Variants in TBC1D22A observed in about 807,000 individuals in gnomAD.
TBC1D22A encodes TBC1 domain family member 22A, also known as putative GTPase activator.
Under a neutral mutation model 60.2 loss-of-function variants are expected in TBC1D22A, and 38 were observed. The ratio of observed to expected loss-of-function variants is 0.63; its 90% CI spans 0.49 to 0.83. TBC1D22A has a LOEUF of 0.83. Among genes scored for constraint, TBC1D22A ranks in the 40% least tolerant of loss-of-function variants. TBC1D22A has a pLI of 0.00. For missense variants in TBC1D22A, 628 were observed against 701.0 expected (o/e 0.90, Z 1.18); for synonymous variants, 302 against 281.7 (o/e 1.07, Z -0.72).
chr22:46,885,670 G>A (rs59800507), intron 5 of TBC1D22A, among the ~76,000 whole-genome samples: 2,379 of 152,246 alleles, frequency 0.016, 67 homozygotes, highest in African/African-American at 0.054. Flanking sequence ...TTTCACTCAG[G>A]TCTGGCTGTC....
chr22:47,074,078 A>C (rs2064111649), intron 11 of TBC1D22A, among the ~76,000 whole-genome samples: 2 of 152,222 alleles, frequency 1.3e-5, no homozygotes, highest in African/African-American at 4.8e-5. Flanking sequence ...ACTGTACTCT[A>C]GCCTGGGTGA....
At chr22:46,915,482 G>T (rs184730604) in intron 8 of TBC1D22A, 1 of 456,696 alleles carries the variant, frequency 2.2e-6, no homozygotes, top group Non-Finnish European at 4.4e-6. Flanking sequence ...TCATGTGACC[G>T]CTCATACACC....
intron 11 of TBC1D22A, among the ~76,000 whole-genome samples, chr22:47,108,065 G>A (rs2065701284): frequency 6.6e-6 from 1 of 152,178 alleles, no homozygotes; most frequent in South Asian, 2.1e-4. Context: ...ACTATTAAGA[G>A]GACGAAAAGA....
chr22:46,898,799 C>G (rs574536654), intron 7 of TBC1D22A, among the ~76,000 whole-genome samples: 1 of 152,208 alleles, frequency 6.6e-6, no homozygotes, highest in African/African-American at 2.4e-5. Context: ...GTAGCTTCAT[C>G]GTGTAGCCAT....
chr22:46,764,341 C>G (rs2083212228), intron 1 of TBC1D22A: 1 of 152,190 alleles, frequency 6.6e-6, no homozygotes, highest in Non-Finnish European at 1.5e-5. Context: ...GTGACAGGAA[C>G]AAATGCTGTA....
At chr22:46,935,737 C>T (rs911083890) in intron 8 of TBC1D22A, among the ~76,000 whole-genome samples, 2 of 152,318 alleles carry the variant, frequency 1.3e-5, no homozygotes, top group East Asian at 1.9e-4. Context: ...CAAAGATGCC[C>T]GTGTCTCTGT....
chr22:46,884,438 A>G lies in TBC1D22A; in HGVS notation c.708+5715A>G, dbSNP rs542988101. Among the ~76,000 whole-genome samples, 6 of 152,284 alleles carry G rather than the reference A, an allele frequency of 3.9e-5. No homozygotes were observed. The East Asian group carries it at 1.2e-3, about 29-fold the overall frequency. ...TGCCCACCAGACACAGGTGATGAAG[A>G]GGGAGAACAGTAAGTAACAGGAAGC... On this transcript the variant is annotated intron_variant, in intron 5 of 12. Transcript: ENST00000337137.
At chr22:46,951,754 A>G (rs541321739) in intron 8 of TBC1D22A, among the ~76,000 whole-genome samples, 1 of 152,302 alleles carries the variant, frequency 6.6e-6, no homozygotes, top group South Asian at 2.1e-4. Flanking sequence ...TAACCAGTGG[A>G]ATTTGTGCTG....
intron 8 of TBC1D22A, among the ~76,000 whole-genome samples, chr22:46,972,288 G>T: frequency 6.6e-6 from 1 of 152,142 alleles, no homozygotes; most frequent in South Asian, 2.1e-4. Flanking sequence ...TCTTGAGGGC[G>T]TCAGGTCTCT....
chr22:47,049,046 G>T (rs2063118488), intron 11 of TBC1D22A, among the ~76,000 whole-genome samples: 1 of 152,238 alleles, frequency 6.6e-6, no homozygotes, highest in Non-Finnish European at 1.5e-5. Flanking sequence ...GTATTCTCCA[G>T]GTTTCCAGTC....
At chr22:47,020,562 T>G (rs1385732677) in intron 10 of TBC1D22A, among the ~76,000 whole-genome samples, 1 of 147,800 alleles carries the variant, frequency 6.8e-6, no homozygotes, top group Non-Finnish European at 1.5e-5. Flanking sequence ...GCTTTCTTGT[T>G]CCTCTCCTGA....
chr22:47,006,093 A>G (rs2061583357), intron 10 of TBC1D22A, among the ~76,000 whole-genome samples: 1 of 152,130 alleles, frequency 6.6e-6, no homozygotes, highest in South Asian at 2.1e-4. Flanking sequence ...GTTTAATCTC[A>G]TTGGCATGGT....
At position 46,797,451 on chromosome 22, in the gene TBC1D22A, C is replaced by A; in HGVS notation, c.468C>A (p.Ala156=). ...ESHTSCPAES[A]SDAAPLQRSQ... ...ATTCTCTCACCCCTGCAGAAAGTGC[C>A]AGCGATGCCGCCCCTCTGCAGAGGT... Residue 156 remains alanine (A), a synonymous_variant, in exon 4 of 13, where the codon GCC becomes GCA. Coordinates refer to ENST00000337137, the MANE Select transcript of TBC1D22A (RefSeq NM_014346.5). The A allele has an allele frequency of 6.2e-7, 1 of 1,612,738 alleles. No homozygotes were observed. Among genetic ancestry groups the A allele is most frequent in the Non-Finnish European group, 8.5e-7 (1 of 1,180,012 alleles).
chr22:47,170,323 G>T (rs896602378), intron 12 of TBC1D22A, among the ~76,000 whole-genome samples: 4 of 152,158 alleles, frequency 2.6e-5, no homozygotes, highest in Admixed American at 6.5e-5. Context: ...CACCTTGCAA[G>T]GAGCGAGGTC....
intron 9 of TBC1D22A, among the ~76,000 whole-genome samples, chr22:46,984,190 A>T (rs2074623128): frequency 6.6e-6 from 1 of 151,564 alleles, no homozygotes; most frequent in Non-Finnish European, 1.5e-5. Context: ...AACATGGTAA[A>T]ACCCTGTCTC....
intron 8 of TBC1D22A, chr22:46,915,161 G>A: frequency 5.8e-6 from 2 of 347,740 alleles, no homozygotes; most frequent in South Asian, 4.5e-5. Context: ...CAGCCACTGT[G>A]CTCAGGTTCT....
intron 11 of TBC1D22A, among the ~76,000 whole-genome samples, chr22:47,097,471 G>A (rs558342744): frequency 7.6e-4 from 116 of 152,136 alleles, no homozygotes; most frequent in Admixed American, 3.6e-3. Context: ...AAAATTAGCC[G>A]GGCGTGGTGG....
chr22:47,159,184 A>G (rs955926236), intron 12 of TBC1D22A, among the ~76,000 whole-genome samples: 2 of 150,460 alleles, frequency 1.3e-5, no homozygotes, highest in East Asian at 2.0e-4. Context: ...TACACACACA[A>G]CACACACCAC....
rs572139590 is a variant in TBC1D22A at position 47,009,633 on chromosome 22, A to G, written c.1201+11924A>G. On this transcript the variant is annotated intron_variant, in intron 10 of 12. Coordinates refer to ENST00000337137, the MANE Select transcript of TBC1D22A (RefSeq NM_014346.5). This position sits in a 1 kb window ranked among gnomAD's most constrained non-coding sequence, Gnocchi z 5.8. ...TCATCATTACTATCACCATCATTTCATCACCGTCATCATTACCATCATCAC... is the reference window on the plus strand; with the variant it reads ...TCATCATTACTATCACCATCATTTCGTCACCGTCATCATTACCATCATCAC... Among the ~76,000 whole-genome samples, 2 of 151,208 alleles carry G rather than the reference A, an allele frequency of 1.3e-5. No homozygotes were observed. The highest frequency in any genetic ancestry group is 4.9e-5 in the African/African-American group (2 of 41,042).
Sources: allele counts gnomAD v4.1 joint callset (sites outside exome capture counted in the v4.1 genomes callset), GRCh38; gene constraint gnomAD v4.1.1; non-coding constraint Gnocchi (gnomAD v3.1); transcripts MANE v1.5; gene names NCBI Gene and HGNC (gene_info 2026-07-23, HGNC 2026-07-21).